Variants in PGM5 observed in about 807,000 individuals in gnomAD.
PGM5 encodes the protein phosphoglucomutase-like protein 5.
Under a neutral mutation model 59.2 loss-of-function variants are expected in PGM5, and 23 were observed. That is an observed-to-expected ratio of 0.39 (90% confidence interval 0.28 to 0.55). The LOEUF (loss-of-function observed/expected upper bound fraction) is 0.55. Ranked by LOEUF, PGM5 falls within the 20% of genes least tolerant of loss-of-function variation. The pLI, the probability that PGM5 is intolerant of heterozygous loss-of-function variation, is 0.66. For missense variants in PGM5, 574 were observed against 748.3 expected (o/e 0.77, Z 2.72); for synonymous variants, 214 against 286.0 (o/e 0.75, Z 2.54).
intron 6 of PGM5, among the ~76,000 whole-genome samples, chr9:68,402,001 G>A (rs1253030263): frequency 9.9e-5 from 15 of 152,054 alleles, no homozygotes; most frequent in African/African-American, 2.4e-4. Flanking sequence ...GGTGGCTCAC[G>A]CCTGTAATCC....
chr9:68,448,091 G>C lies in PGM5; in HGVS notation c.1044-17002G>C, dbSNP rs1294884604. Among the ~76,000 whole-genome samples the C allele has an allele frequency of 3.3e-5, 5 of 152,028 alleles. No individual in the cohort carries two copies. The East Asian group carries it at 9.6e-4, about 29-fold the overall frequency. On this transcript the variant is annotated intron_variant, in intron 6 of 10. Transcript: ENST00000396396. ...GGAAAAGGGGCTTTGAGGGGAGGAG[G>C]GGCTTCTACTTGTAGGCAAATAGGT...
At chr9:68,418,408 A>G (rs1554682135) in intron 6 of PGM5, among the ~76,000 whole-genome samples, 2 of 152,118 alleles carry the variant, frequency 1.3e-5, no homozygotes, top group Non-Finnish European at 2.9e-5. Context: ...AGCTTTACAG[A>G]CAAGTGGTAT....
chr9:68,424,088 C>T (rs1046848308), intron 6 of PGM5, among the ~76,000 whole-genome samples: 3 of 152,196 alleles, frequency 2.0e-5, no homozygotes, highest in Non-Finnish European at 4.4e-5. Flanking sequence ...CCGCAAGCCT[C>T]AGACCTCATG....
chr9:68,509,377 G>T (rs902710102), intron 10 of PGM5, among the ~76,000 whole-genome samples: 1 of 152,212 alleles, frequency 6.6e-6, no homozygotes, highest in Non-Finnish European at 1.5e-5. Context: ...GAGCATTTTT[G>T]TTGGTACAAA....
At chr9:68,473,432 A>G (rs1398439880) in intron 7 of PGM5, among the ~76,000 whole-genome samples, 2 of 152,190 alleles carry the variant, frequency 1.3e-5, no homozygotes, top group Non-Finnish European at 2.9e-5. Context: ...AGTTAAGTCC[A>G]TAGGCTTTGG....
intron 8 of PGM5, among the ~76,000 whole-genome samples, chr9:68,481,773 G>A (rs1329474201): frequency 6.6e-6 from 1 of 152,176 alleles, no homozygotes; most frequent in African/African-American, 2.4e-5. Flanking sequence ...AGGACATTGA[G>A]TTATGTTTCA....
intron 3 of PGM5, among the ~76,000 whole-genome samples, chr9:68,386,257 A>C (rs1351157529): frequency 6.6e-6 from 1 of 152,082 alleles, no homozygotes; most frequent in African/African-American, 2.4e-5. Context: ...GGTAAAATAT[A>C]CATAACAAAA....
chr9:68,390,828 G>C (rs577527750), intron 4 of PGM5, among the ~76,000 whole-genome samples: 9 of 151,628 alleles, frequency 5.9e-5, no homozygotes, highest in Non-Finnish European at 1.2e-4. Context: ...TGTGGTTATT[G>C]CTTCTCTGAA....
intron 10 of PGM5, among the ~76,000 whole-genome samples, chr9:68,524,868 A>C (rs1278387945): frequency 2.6e-5 from 4 of 152,222 alleles, no homozygotes; most frequent in African/African-American, 9.6e-5. Flanking sequence ...GCCACCAAAC[A>C]GATGTGTGAC....
chr9:68,401,527 G>A (rs1822666303), intron 6 of PGM5, among the ~76,000 whole-genome samples: 1 of 151,888 alleles, frequency 6.6e-6, no homozygotes, highest in Admixed American at 6.6e-5. Flanking sequence ...GTGGTGGATG[G>A]ATCCAATACT....
At chr9:68,358,463 TG>T in intron 1 of PGM5, among the ~76,000 whole-genome samples, 1 of 152,336 alleles carries the variant, frequency 6.6e-6, no homozygotes. Flanking sequence ...CTGAATTATA[TG>T]TGGGAAACAT....
chr9:68,507,902 T>A (rs1414410983), intron 10 of PGM5, among the ~76,000 whole-genome samples: 1 of 152,210 alleles, frequency 6.6e-6, no homozygotes, highest in Non-Finnish European at 1.5e-5. Flanking sequence ...TTGGGAGGGT[T>A]GGTCATCTGA....
At chr9:68,358,413 C>A (rs1554675990) in intron 1 of PGM5, among the ~76,000 whole-genome samples, 1 of 152,094 alleles carries the variant, frequency 6.6e-6, no homozygotes, top group South Asian at 2.1e-4. Context: ...AGCAGCATCT[C>A]AAGGACATCT....
At chr9:68,475,588 C>T (rs182849849) in intron 7 of PGM5, among the ~76,000 whole-genome samples, 84 of 151,976 alleles carry the variant, frequency 5.5e-4, no homozygotes, top group African/African-American at 2.0e-3. Flanking sequence ...TGCACAATTA[C>T]CTATTGGATA....
intron 1 of PGM5, among the ~76,000 whole-genome samples, 192 bp from the exon 2 acceptor site, chr9:68,378,007 A>T (rs1329206511): frequency 6.6e-6 from 1 of 152,110 alleles, no homozygotes; most frequent in Admixed American, 6.6e-5. Flanking sequence ...CAGGTGCACC[A>T]AATGGTCTTA....
Position 68,463,992 on chromosome 9 carries a change from A to G in PGM5, c.1044-1101A>G, listed in dbSNP as rs368272200. 3.0e-4 allele frequency among the ~76,000 whole-genome samples: 45 copies of G among 152,332 alleles called. 1 individual carries two copies. The South Asian group carries it at 7.7e-3, about 26-fold the overall frequency. ...AAGGGGAAAAATTGTAAGTCAAACC[A>G]TCATAAGCCAGATCCTGTCTGGGTT... On this transcript the variant is annotated intron_variant, in intron 6 of 10. Coordinates refer to ENST00000396396, the MANE Select transcript of PGM5 (RefSeq NM_021965.4).
At chr9:68,511,808 G>T (rs1824756063) in intron 10 of PGM5, among the ~76,000 whole-genome samples, 3 of 152,022 alleles carry the variant, frequency 2.0e-5, no homozygotes, top group African/African-American at 7.2e-5. Context: ...GAGGATAAAA[G>T]ATTCCCAGAT....
At chr9:68,526,574 T>C (rs12552415) in intron 10 of PGM5, among the ~76,000 whole-genome samples, 12,624 of 152,294 alleles carry the variant, frequency 0.083, 547 homozygotes, top group Middle Eastern at 0.12. Flanking sequence ...ACCTGTTCTT[T>C]AATATGAGCA....
rs140366430 is a variant in PGM5, at chr9:68,466,731, T to C, written c.1159+1523T>C. 2.8e-3 allele frequency among the ~76,000 whole-genome samples: 423 copies of C among 152,330 alleles called. 2 individuals carry two copies. The highest frequency in any genetic ancestry group is 3.9e-3 in the Non-Finnish European group (264 of 68,036). On this transcript the variant is annotated intron_variant, in intron 7 of 10. Coordinates refer to ENST00000396396, the MANE Select transcript of PGM5 (RefSeq NM_021965.4). ...AAATTCCCCCAGCAGTGGCATATTT[T>C]TACTGGGTACTGGAACTGGGGAAGG...
Sources: gnomAD v4.1 joint callset for allele counts (sites outside exome capture counted in the v4.1 genomes callset) on GRCh38, gnomAD v4.1.1 for gene constraint, MANE v1.5 for transcripts, NCBI Gene and HGNC (gene_info 2026-07-23, HGNC 2026-07-21) for gene names.